Variants in PLAC1 observed in about 807,000 individuals in gnomAD.
PLAC1 encodes placenta-specific protein 1.
For missense variants in PLAC1, 136 were observed against 163.2 expected, an observed-to-expected ratio of 0.83 and a Z score of 0.91; for synonymous variants, 68 against 62.1, an observed-to-expected ratio of 1.09 and a Z score of -0.44.
chrX:134,752,155 TA>T (rs918817461), intron 1 of PLAC1, among the ~76,000 whole-genome samples: 1 of 112,379 alleles, frequency 8.9e-6, no homozygotes, highest in Non-Finnish European at 1.9e-5. Context: ...ACTTTGTCCA[TA>T]TAACAATTCT....
intron 1 of PLAC1, among the ~76,000 whole-genome samples, chrX:134,763,419 G>A (rs995397546): frequency 4.5e-5 from 5 of 111,415 alleles, no homozygotes; most frequent in African/African-American, 1.6e-4. Flanking sequence ...AAGCAAACCA[G>A]GCCTTAAGTG....
At chrX:134,625,943 C>A (rs1336177374) in intron 1 of PLAC1, among the ~76,000 whole-genome samples, 3 of 111,254 alleles carry the variant, frequency 2.7e-5, no homozygotes, top group Non-Finnish European at 5.7e-5. Flanking sequence ...TGCATCCTCA[C>A]TGGGGAACTT....
intron 2 of PLAC1, among the ~76,000 whole-genome samples, chrX:134,705,803 G>A (rs993075969): frequency 9.0e-5 from 10 of 111,626 alleles, no homozygotes; most frequent in African/African-American, 2.6e-4. Flanking sequence ...ATTTTTGAAC[G>A]TCATAAAAGA....
chrX:134,657,214 T>G (rs1159209739), intron 1 of PLAC1, among the ~76,000 whole-genome samples: 1 of 112,447 alleles, frequency 8.9e-6, no homozygotes, highest in Admixed American at 9.4e-5. Flanking sequence ...ACCTTGAACA[T>G]ACGGATGCTC....
At chrX:134,754,926 T>C (rs66764879) in intron 1 of PLAC1, among the ~76,000 whole-genome samples, 33,016 of 109,681 alleles carry the variant, frequency 0.3, 4,584 homozygotes, top group East Asian at 0.48. Flanking sequence ...TGGAATGACT[T>C]TAACAATAAA....
intron 2 of PLAC1, among the ~76,000 whole-genome samples, chrX:134,681,717 A>C (rs1274996837): frequency 9.0e-6 from 1 of 111,658 alleles, no homozygotes; most frequent in African/African-American, 3.3e-5. Context: ...TTGAGTGCCA[A>C]GCACACTATC....
At chrX:134,659,933 G>A (rs1313969623), upstream of PLAC1, among the ~76,000 whole-genome samples, 2 of 111,628 alleles carry the variant, frequency 1.8e-5, no homozygotes, top group Admixed American at 9.5e-5. Flanking sequence ...ACATGAATCT[G>A]TGTTTGTATC....
At position 134,566,461 on chromosome X, in the gene PLAC1, G is replaced by A. The variant is rs755950798; in HGVS notation, c.222C>T (p.Thr74=). ...TGATGCCACATTCAGTAACACGGTA[G>A]GTGAACTGGTAGGCGTGTGGCTGAA... ...NHVQPHAYQF[T]YRVTECGIRA... is the part of the protein sequence containing the mutation. Residue 74 remains threonine (T), a synonymous_variant, in exon 3 of 3, where the codon ACC becomes ACT. Transcript: ENST00000359237. 8.3e-7 allele frequency: 1 copy of A among 1,210,245 alleles called. No homozygotes were observed. Among genetic ancestry groups the A allele is most frequent in the African/African-American group, 1.7e-5 (1 of 57,285 alleles).
At chrX:134,755,041 G>A (rs893074812) in intron 1 of PLAC1, among the ~76,000 whole-genome samples, 25 of 111,703 alleles carry the variant, frequency 2.2e-4, no homozygotes, top group African/African-American at 8.1e-4. Context: ...AATTTATCAT[G>A]TAAATTTGCA....
chrX:134,611,350 C>T, intron 1 of PLAC1, among the ~76,000 whole-genome samples: 1 of 109,835 alleles, frequency 9.1e-6, no homozygotes, highest in East Asian at 2.8e-4. Flanking sequence ...TAGTACTTTA[C>T]AGCTCAGGAT....
chrX:134,743,582 C>A (rs1457807703), intron 1 of PLAC1, among the ~76,000 whole-genome samples: 1 of 111,653 alleles, frequency 9.0e-6, no homozygotes, highest in Non-Finnish European at 1.9e-5. Context: ...TAAGTTACAG[C>A]AAAGATGTAT....
intron 2 of PLAC1, among the ~76,000 whole-genome samples, chrX:134,718,701 C>T (rs1023352741): frequency 8.9e-6 from 1 of 112,017 alleles, no homozygotes; most frequent in African/African-American, 3.2e-5. Context: ...TTGAGGCCAC[C>T]AGGGCCTGGA....
chrX:134,616,368 G>T (rs2078179441), intron 1 of PLAC1, among the ~76,000 whole-genome samples: 1 of 111,991 alleles, frequency 8.9e-6, no homozygotes, highest in Admixed American at 9.5e-5. Flanking sequence ...TGGGCGCAGT[G>T]GCTCACGCCT....
In PLAC1 at chrX:134,684,758, A is replaced by T. The variant is rs746784121; in HGVS notation, n.174+48677T>A. Among the ~76,000 whole-genome samples, 6 of 112,112 alleles carry T rather than the reference A, an allele frequency of 5.4e-5. No homozygotes were observed. The South Asian group carries it at 2.2e-3, about 42-fold the overall frequency. On this transcript the variant is annotated intron_variant and non_coding_transcript_variant, in intron 2 of 2. Coordinates refer to the PLAC1 transcript ENST00000466797. ...AATGGTAGTCTCCATGATTGACATG[A>T]CTGGTCTAGGATTTCTGCCAGCATA... is the stretch of plus-strand genomic sequence containing the variant.
intron 2 of PLAC1, among the ~76,000 whole-genome samples, chrX:134,575,894 T>C (rs1309711202): frequency 9.1e-6 from 1 of 109,361 alleles, no homozygotes; most frequent in Non-Finnish European, 1.9e-5. Flanking sequence ...TAATACATAA[T>C]ATTTTAAAAT....
chrX:134,749,160 TACA>T (rs775266673), intron 1 of PLAC1, among the ~76,000 whole-genome samples: 1 of 111,513 alleles, frequency 9.0e-6, no homozygotes, highest in African/African-American at 3.3e-5. Context: ...CTACAAAAAA[TACA>T]ACAATTAGGC....
At chrX:134,740,548 G>T (rs2078714719) in intron 1 of PLAC1, among the ~76,000 whole-genome samples, 1 of 111,530 alleles carries the variant, frequency 9.0e-6, no homozygotes, top group African/African-American at 3.3e-5. Flanking sequence ...GGAAGTCGCT[G>T]AGAGGGGTAT....
intron 2 of PLAC1, among the ~76,000 whole-genome samples, chrX:134,687,867 T>G (rs369107910): frequency 9.0e-4 from 47 of 52,280 alleles, no homozygotes; most frequent in African/African-American, 3.6e-3. Context: ...TATATATATA[T>G]AGCACCTAGC....
At chrX:134,690,091 T>A (rs894916768) in intron 2 of PLAC1, among the ~76,000 whole-genome samples, 1 of 111,840 alleles carries the variant, frequency 8.9e-6, no homozygotes, top group African/African-American at 3.3e-5. Flanking sequence ...ACTCTAGGTA[T>A]CTCATATGAG....
Sources: allele counts gnomAD v4.1 joint callset (sites outside exome capture counted in the v4.1 genomes callset), GRCh38; gene constraint gnomAD v4.1.1; transcripts MANE v1.5; gene names NCBI Gene and HGNC (gene_info 2026-07-23, HGNC 2026-07-21).